The following CDC42BPA variants were observed in gnomAD, a reference collection of about 807,000 sequenced individuals.
The protein encoded by CDC42BPA is serine/threonine-protein kinase MRCK alpha.
Under a neutral mutation model 223.5 loss-of-function variants are expected in CDC42BPA, and 80 were observed. The ratio of observed to expected loss-of-function variants is 0.36; its 90% CI spans 0.30 to 0.43. The LOEUF is 0.43. Among genes scored for constraint, CDC42BPA ranks in the 20% least tolerant of loss-of-function variants. The pLI is 1.00. For missense variants in CDC42BPA, 1,743 were observed against 2,099.9 expected, an observed-to-expected ratio of 0.83 and a Z score of 3.32; for synonymous variants, 694 against 718.6, an observed-to-expected ratio of 0.97 and a Z score of 0.55.
intron 5 of CDC42BPA, among the ~76,000 whole-genome samples, chr1:227,166,773 G>T (rs1375134305): frequency 1.3e-5 from 2 of 152,116 alleles, no homozygotes; most frequent in African/African-American, 2.4e-5. Flanking sequence ...GGGAGTGGGG[G>T]TGCCTCAATG....
At chr1:227,141,676 G>T (rs1189760932) in intron 9 of CDC42BPA, among the ~76,000 whole-genome samples, 1 of 152,190 alleles carries the variant, frequency 6.6e-6, no homozygotes, top group Non-Finnish European at 1.5e-5. Context: ...AGATGCAGTG[G>T]CTCACATCTG....
intron 16 of CDC42BPA, among the ~76,000 whole-genome samples, chr1:227,084,420 T>C (rs948937624): frequency 6.6e-6 from 1 of 150,678 alleles, no homozygotes; most frequent in Non-Finnish European, 1.5e-5. Context: ...CCCAGCTACT[T>C]GGGAGGCTGA....
At chr1:227,168,247 T>C (rs1665402518) in intron 5 of CDC42BPA, among the ~76,000 whole-genome samples, 1 of 152,134 alleles carries the variant, frequency 6.6e-6, no homozygotes, top group East Asian at 1.9e-4. Context: ...TGTTCTTCTT[T>C]TACTTAAAAA....
chr1:227,230,031 T>C (rs1391793641), intron 2 of CDC42BPA, among the ~76,000 whole-genome samples: 3 of 152,244 alleles, frequency 2.0e-5, no homozygotes, highest in African/African-American at 7.2e-5. Context: ...CTAAAGGTGA[T>C]AGGCCTTCAA....
intron 5 of CDC42BPA, among the ~76,000 whole-genome samples, chr1:227,190,568 TA>T (rs1669543105): frequency 1.9e-4 from 3 of 15,786 alleles, no homozygotes; most frequent in African/African-American, 5.1e-4. Context: ...CTTAAATGAT[TA>T]TTTAACTTGT....
intron 20 of CDC42BPA, among the ~76,000 whole-genome samples, chr1:227,071,780 T>C (rs1678428517): frequency 7.7e-6 from 1 of 130,658 alleles, no homozygotes; most frequent in Non-Finnish European, 1.6e-5. Flanking sequence ...CTTGTTCAAG[T>C]ACCCTTACCA....
intron 21 of CDC42BPA, among the ~76,000 whole-genome samples, chr1:227,058,920 T>C (rs1317522185): frequency 6.6e-6 from 1 of 151,880 alleles, no homozygotes; most frequent in Non-Finnish European, 1.5e-5. Flanking sequence ...TTACATAAAT[T>C]ATAGTCAATA....
In CDC42BPA at chr1:227,163,196, C is replaced by T. The variant is rs963968515; in HGVS notation, c.600-2560G>A. 1.4e-4 allele frequency among the ~76,000 whole-genome samples: 22 copies of T among 151,958 alleles called. No individual in the cohort carries two copies. The South Asian group carries it at 1.7e-3, about 12-fold the overall frequency. ...TTTCCAAACATATGTGTGTATGTTT[C>T]CAAACATATATATGTGTGTGTATAT... On this transcript the variant is annotated intron_variant, in intron 5 of 36. Transcript: ENST00000366766.
At chr1:227,084,081 T>C (rs535296286) in intron 16 of CDC42BPA, among the ~76,000 whole-genome samples, 1 of 149,896 alleles carries the variant, frequency 6.7e-6, no homozygotes, top group South Asian at 2.1e-4. Context: ...TTCCTTGTTG[T>C]CACTCCAATG....
At chr1:227,177,956 C>T (rs571915628) in intron 5 of CDC42BPA, among the ~76,000 whole-genome samples, 8 of 151,968 alleles carry the variant, frequency 5.3e-5, no homozygotes, top group African/African-American at 1.7e-4. Flanking sequence ...TTTTCCAATA[C>T]TGTATTTTTC....
At chr1:227,065,330 C>T (rs1452743261) in intron 21 of CDC42BPA, among the ~76,000 whole-genome samples, 2 of 152,114 alleles carry the variant, frequency 1.3e-5, no homozygotes, top group East Asian at 3.9e-4. Flanking sequence ...TCCTTCAAAA[C>T]TCTATGATTC....
intron 14 of CDC42BPA, among the ~76,000 whole-genome samples, chr1:227,101,621 T>C (rs1030369507): frequency 6.6e-6 from 1 of 152,152 alleles, no homozygotes; most frequent in Non-Finnish European, 1.5e-5. Context: ...GATGAAGAAC[T>C]GATAAAAAGT....
At chr1:227,268,677 T>TGTATATATATATATATATGTATATATAA (rs1685469295) in intron 1 of CDC42BPA, among the ~76,000 whole-genome samples, 1 of 144,320 alleles carries the variant, frequency 6.9e-6, no homozygotes, top group African/African-American at 2.6e-5. Flanking sequence ...CATATATATA[T>TGTATATATATATATATATGTATATATAA]ATACACACAC....
intron 14 of CDC42BPA, among the ~76,000 whole-genome samples, chr1:227,106,210 T>A (rs1278532396): frequency 1.3e-5 from 2 of 152,316 alleles, no homozygotes; most frequent in South Asian, 2.1e-4. Flanking sequence ...GAGCATTTTT[T>A]AATTTGCTTA....
chr1:227,084,566 A>G (rs1202600171), intron 16 of CDC42BPA, among the ~76,000 whole-genome samples: 1 of 150,774 alleles, frequency 6.6e-6, no homozygotes, highest in Non-Finnish European at 1.5e-5. Flanking sequence ...ATGAAAAAAT[A>G]TTTGCATACT....
intron 34 of CDC42BPA, among the ~76,000 whole-genome samples, chr1:227,013,349 C>G (rs530310130): frequency 6.6e-6 from 1 of 151,700 alleles, no homozygotes; most frequent in East Asian, 1.9e-4. Context: ...TCAATATAGA[C>G]CTTATTTTGA....
intron 15 of CDC42BPA, among the ~76,000 whole-genome samples, chr1:227,100,665 G>A (rs1366023664): frequency 1.3e-5 from 2 of 151,600 alleles, no homozygotes; most frequent in African/African-American, 4.9e-5. Flanking sequence ...TTGAACTCCT[G>A]GGCTCAAGTA....
At chr1:227,083,305 TTTTC>T (rs1199170157) in intron 16 of CDC42BPA, among the ~76,000 whole-genome samples, 1 of 152,174 alleles carries the variant, frequency 6.6e-6, no homozygotes, top group Non-Finnish European at 1.5e-5. Flanking sequence ...TATGCAGTCC[TTTTC>T]TTTGTTTCTC....
chr1:227,316,957 T>C, intron 1 of CDC42BPA, 48 bp downstream of exon 1: 4 of 1,404,506 alleles, frequency 2.8e-6, no homozygotes, highest in Non-Finnish European at 4.0e-6. Context: ...AATTAAATCA[T>C]AATGACCAGC....
Sources: gnomAD v4.1 joint callset for allele counts (sites outside exome capture counted in the v4.1 genomes callset) on GRCh38, gnomAD v4.1.1 for gene constraint, MANE v1.5 for transcripts, NCBI Gene and HGNC (gene_info 2026-07-23, HGNC 2026-07-21) for gene names.